ASTN1: variants seen among roughly 807,000 people sequenced by gnomAD.
The protein encoded by ASTN1 is astrotactin-1.
A neutral mutation model predicts 140.7 loss-of-function variants in ASTN1; 41 were observed. The ratio of observed to expected loss-of-function variants is 0.29; its 90% CI spans 0.23 to 0.38. ASTN1 has a LOEUF of 0.38. Ranked by LOEUF, ASTN1 falls within the 10% of genes least tolerant of loss-of-function variation. ASTN1 has a pLI of 1.00. For synonymous variants in ASTN1, 640 were observed against 652.2 expected, an observed-to-expected ratio of 0.98 and a Z score of 0.29; for missense variants, 1,479 against 1,678.8, an observed-to-expected ratio of 0.88 and a Z score of 2.08.
chr1:176,923,562 TGA>T (rs1670828629), intron 16 of ASTN1, among the ~76,000 whole-genome samples: 1 of 152,180 alleles, frequency 6.6e-6, no homozygotes, highest in Admixed American at 6.5e-5. Context: ...TAAGACATTT[TGA>T]GAGAGAGAAA....
rs541486411 is a variant in ASTN1, at chr1:177,146,334, A to T, written c.283+18060T>A. On this transcript the variant is annotated intron_variant, in intron 1 of 22. Coordinates refer to ENST00000361833, the MANE Select transcript of ASTN1 (RefSeq NM_004319.3). The stretch of plus-strand genomic sequence containing the variant: ...AATATTTTAATAGCCACCTCAGATA[A>T]TTATAGATATTCTTTAATACAACGC... 1.4e-4 allele frequency among the ~76,000 whole-genome samples: 22 copies of T among 152,344 alleles called. No individual in the cohort carries two copies. The South Asian group carries it at 4.6e-3, about 32-fold the overall frequency.
intron 16 of ASTN1, among the ~76,000 whole-genome samples, chr1:176,919,846 A>G (rs970192195): frequency 2.0e-5 from 3 of 152,314 alleles, no homozygotes; most frequent in Admixed American, 1.3e-4. Context: ...ACCTGACTGA[A>G]GAAAAACCCC....
At chr1:176,929,899 T>A (rs1333495614) in intron 16 of ASTN1, among the ~76,000 whole-genome samples, 1 of 152,052 alleles carries the variant, frequency 6.6e-6, no homozygotes, top group Non-Finnish European at 1.5e-5. Flanking sequence ...TCCCAGCTAC[T>A]CAGGAGGCTG....
chr1:176,930,030 T>C lies in ASTN1; in HGVS notation c.2671+4122A>G, dbSNP rs528006456. Reference sequence around the variant, plus strand: ...CTCAAAAAAACAAAAGGATAACAGATGGTGAGTTGTAGAATGGAGTGGAGT... The same window carrying C: ...CTCAAAAAAACAAAAGGATAACAGACGGTGAGTTGTAGAATGGAGTGGAGT... On this transcript the variant is annotated intron_variant, in intron 16 of 22. Coordinates refer to ENST00000361833, the MANE Select transcript of ASTN1 (RefSeq NM_004319.3). Among the ~76,000 whole-genome samples the C allele has an allele frequency of 4.0e-5, 6 of 151,892 alleles. No homozygotes were observed. In the South Asian group the frequency reaches 1.3e-3, roughly 32 times the overall value.
chr1:176,896,966 A>C (rs2103041662), intron 16 of ASTN1, among the ~76,000 whole-genome samples: 1 of 152,226 alleles, frequency 6.6e-6, no homozygotes, highest in African/African-American at 2.4e-5. Context: ...TTTGTCAGCA[A>C]ACTCTACTTC....
At chr1:177,138,502 G>C (rs1682303024) in intron 1 of ASTN1, among the ~76,000 whole-genome samples, 1 of 152,198 alleles carries the variant, frequency 6.6e-6, no homozygotes, top group South Asian at 2.1e-4. Context: ...GGAAAGCACA[G>C]AAAGGAGAGG....
chr1:176,864,735 T>C (rs1261581977), intron 22 of ASTN1, among the ~76,000 whole-genome samples: 2 of 152,146 alleles, frequency 1.3e-5, no homozygotes, highest in African/African-American at 2.4e-5. Flanking sequence ...ATTGGATAAA[T>C]GTTCAAAGTG....
intron 1 of ASTN1, among the ~76,000 whole-genome samples, chr1:177,107,368 A>T (rs886856361): frequency 5.9e-5 from 9 of 152,246 alleles, no homozygotes; most frequent in Non-Finnish European, 1.2e-4. Flanking sequence ...AAAGAAAAAA[A>T]GCTGTGCTCA....
chr1:177,023,673 C>T, intron 6 of ASTN1, 102 bp from the exon 7 acceptor site: 3 of 1,257,626 alleles, frequency 2.4e-6, no homozygotes, highest in Non-Finnish European at 3.2e-6. Flanking sequence ...TAGTACCAAT[C>T]AGAGATCCTA....
intron 4 of ASTN1, among the ~76,000 whole-genome samples, chr1:177,030,514 C>T (rs1272575577): frequency 6.6e-6 from 1 of 152,158 alleles, no homozygotes; most frequent in Non-Finnish European, 1.5e-5. Flanking sequence ...TAAGCTATTT[C>T]CAATTTTTCA....
intron 8 of ASTN1, among the ~76,000 whole-genome samples, chr1:176,993,944 T>A (rs1674309450): frequency 6.6e-6 from 1 of 152,192 alleles, no homozygotes; most frequent in Non-Finnish European, 1.5e-5. Flanking sequence ...ATAGTTCCGA[T>A]GGAGATTCCT....
rs553875482 is a variant in ASTN1 at position 177,133,698 on chromosome 1, C to T, written c.283+30696G>A. 1.5e-3 allele frequency among the ~76,000 whole-genome samples: 226 copies of T among 152,338 alleles called. 1 individual carries two copies. Among genetic ancestry groups the T allele is most frequent in the African/African-American group, 5.2e-3 (215 of 41,568 alleles). On this transcript the variant is annotated intron_variant, in intron 1 of 22. Coordinates refer to ENST00000361833, the MANE Select transcript of ASTN1 (RefSeq NM_004319.3). ...TAATTTGCAGGTAAGCATCTCCACT[C>T]ATCCAAAAGGGTGGGAATAAACAAG...
chr1:176,945,491 A>C (rs1210511249), intron 13 of ASTN1, among the ~76,000 whole-genome samples: 2 of 152,204 alleles, frequency 1.3e-5, no homozygotes, highest in Non-Finnish European at 2.9e-5. Flanking sequence ...TTGGGAAGAA[A>C]ATTCAGCTTT....
rs138326291 is a variant in ASTN1, at chr1:177,061,239, G to C, written c.310C>G (p.Pro104Ala). Residue 104 changes from proline (P) to alanine (A), a missense_variant, in exon 2 of 23, where the codon CCT (proline) becomes GCT (alanine). Pro to Ala is a conservative substitution (Grantham distance 27). This residue lies in a region of ASTN1 where 729 missense variants were observed against 860.4 expected (regional missense o/e 0.85). Coordinates refer to ENST00000361833, the MANE Select transcript of ASTN1 (RefSeq NM_004319.3). ...LEISGNTEDI[P>A]LVRWRQQWLE... Reference sequence around the variant, plus strand: ...CACTGCTGCCTCCAGCGCACCAAAGGGATATCCTCTGTGTTCCCTGAGATC... The same window carrying C: ...CACTGCTGCCTCCAGCGCACCAAAGCGATATCCTCTGTGTTCCCTGAGATC... 8 of 1,583,718 alleles carry C rather than the reference G, an allele frequency of 5.1e-6. No homozygotes were observed. The highest frequency in any genetic ancestry group is 6.9e-6 in the Non-Finnish European group (8 of 1,164,650).
chr1:176,985,438 T>C (rs1673845810), intron 8 of ASTN1, among the ~76,000 whole-genome samples: 1 of 152,042 alleles, frequency 6.6e-6, no homozygotes, highest in Admixed American at 6.5e-5. Context: ...GTCCCTGCTC[T>C]TGGCTGTCAC....
At chr1:177,098,622 C>T (rs1354031469) in intron 1 of ASTN1, among the ~76,000 whole-genome samples, 1 of 151,548 alleles carries the variant, frequency 6.6e-6, no homozygotes, top group Non-Finnish European at 1.5e-5. Flanking sequence ...AAACACTAAG[C>T]ATATGGAAGA....
intron 1 of ASTN1, among the ~76,000 whole-genome samples, chr1:177,137,958 A>G (rs1682277106): frequency 6.6e-6 from 1 of 152,210 alleles, no homozygotes; most frequent in African/African-American, 2.4e-5. Context: ...ATCAGCACTT[A>G]AAGGAGGGAG....
At chr1:176,907,905 C>T (rs1302373517) in intron 16 of ASTN1, among the ~76,000 whole-genome samples, 3 of 152,190 alleles carry the variant, frequency 2.0e-5, no homozygotes, top group Admixed American at 2.0e-4. Flanking sequence ...GGTTTTAGGT[C>T]ACCTTCCTGC....
At chr1:176,963,906 C>T (rs1672767953) in intron 9 of ASTN1, among the ~76,000 whole-genome samples, 1 of 152,162 alleles carries the variant, frequency 6.6e-6, no homozygotes, top group African/African-American at 2.4e-5. Context: ...AGCACAAATC[C>T]TCAAAAGCGG....
Sources: allele counts gnomAD v4.1 joint callset (sites outside exome capture counted in the v4.1 genomes callset), GRCh38; gene constraint gnomAD v4.1.1; regional missense constraint gnomAD v4.1.1; transcripts MANE v1.5; gene names NCBI Gene and HGNC (gene_info 2026-07-23, HGNC 2026-07-21).